Variants in ZNF131 observed in about 807,000 individuals in gnomAD.
The protein encoded by ZNF131 is zinc finger and BTB domain containing 35, also known as zinc finger protein 131.
ZNF131 carries 7 observed loss-of-function variants against 60.0 expected under a neutral mutation model. That is an observed-to-expected ratio of 0.12 (90% CI 0.07 to 0.22). The LOEUF (loss-of-function observed/expected upper bound fraction) is 0.22, where lower values mean the gene tolerates loss of function less well. Among genes scored for constraint, ZNF131 ranks in the 10% least tolerant of loss-of-function variants. The pLI is 1.00. For missense variants in ZNF131, 493 were observed against 740.9 expected, an observed-to-expected ratio of 0.67 and a Z score of 3.88; for synonymous variants, 257 against 253.2, an observed-to-expected ratio of 1.01 and a Z score of -0.14.
chr5:43,121,098 AGGAAGGAGG>A lies in ZNF131; in HGVS notation c.-39_-31del, dbSNP rs999653178. Reference sequence around the variant, plus strand: ...GAACAAGAGGCTCTGAGGGACGGAGAGGAAGGAGGGCGACCCACGAGCTAGGTAAGGCGG... The same window carrying A: ...GAACAAGAGGCTCTGAGGGACGGAGAGCGACCCACGAGCTAGGTAAGGCGG... On this transcript the variant is annotated 5_prime_UTR_variant, in exon 1 of 7. Coordinates refer to ENST00000682664, the MANE Select transcript of ZNF131 (RefSeq NM_001330707.2). 7.0e-6 allele frequency: 1 copy of A among 143,068 alleles called. No individual in the cohort carries two copies. The highest frequency in any genetic ancestry group is 1.5e-5 in the Non-Finnish European group (1 of 66,424). 8.9% of individuals were successfully genotyped at this position (143,068 alleles called of 1,614,324 possible). A position where few individuals can be genotyped will look rare whatever the true frequency, so the allele number is the denominator to read the frequency against.
chr5:43,161,026 C>G lies in ZNF131; in HGVS notation c.372-223C>G, dbSNP rs59534764. On this transcript the variant is annotated intron_variant, in intron 4 of 6. Transcript: ENST00000682664. ...AAAAATCAGTTGACTAAGCGTGGGT[C>G]TATTTCCATGGACTTTATTCCATTA... Among the ~76,000 whole-genome samples, 519 of 152,234 alleles carry G rather than the reference C, an allele frequency of 3.4e-3. 5 individuals are homozygous for G. Among genetic ancestry groups the G allele is most frequent in the African/African-American group, 0.012 (499 of 41,534 alleles).
chr5:43,163,508 C>A (rs1185028812), intron 5 of ZNF131, among the ~76,000 whole-genome samples: 1 of 152,220 alleles, frequency 6.6e-6, no homozygotes, highest in African/African-American at 2.4e-5. Context: ...AGTTCTTCAT[C>A]CCCTATTCCA....
At chr5:43,153,488 A>AAAAAAC (rs1748584456) in intron 4 of ZNF131, among the ~76,000 whole-genome samples, 3 of 147,910 alleles carry the variant, frequency 2.0e-5, no homozygotes, top group African/African-American at 7.4e-5. Context: ...AAAAAAAAAA[A>AAAAAAC]AGCAAAATTA....
chr5:43,143,846 A>G (rs570044408), intron 4 of ZNF131, among the ~76,000 whole-genome samples: 7 of 142,826 alleles, frequency 4.9e-5, no homozygotes, highest in African/African-American at 1.8e-4. Flanking sequence ...GGACATGTAT[A>G]CAGCTCTGTG....
At chr5:43,144,365 A>C (rs770618379) in intron 4 of ZNF131, among the ~76,000 whole-genome samples, 2 of 137,448 alleles carry the variant, frequency 1.5e-5, no homozygotes, top group Non-Finnish European at 3.0e-5. Flanking sequence ...AGTAGCTGGG[A>C]TTATAGGCGC....
At chr5:43,136,650 C>CTTTTTTTTTTT in intron 3 of ZNF131, among the ~76,000 whole-genome samples, 1 of 122,532 alleles carries the variant, frequency 8.2e-6, no homozygotes, top group Non-Finnish European at 1.7e-5. Context: ...TTTTCTTTTT[C>CTTTTTTTTTTT]TTTTTTTTTT....
intron 5 of ZNF131, chr5:43,167,819 G>T (rs1750545055): frequency 3.1e-6 from 1 of 322,214 alleles, no homozygotes. Flanking sequence ...GCCTGCCTGG[G>T]TTGCTTGTTT....
intron 5 of ZNF131, among the ~76,000 whole-genome samples, chr5:43,165,278 C>T (rs1458086847): frequency 6.6e-6 from 1 of 151,410 alleles, no homozygotes; most frequent in Non-Finnish European, 1.5e-5. Flanking sequence ...AGTCCAAGAT[C>T]AATCTGCTGG....
intron 4 of ZNF131, among the ~76,000 whole-genome samples, chr5:43,157,503 A>T (rs1371251000): frequency 2.0e-5 from 3 of 152,148 alleles, no homozygotes; most frequent in Non-Finnish European, 4.4e-5. Flanking sequence ...CCAGATTGAT[A>T]AAAGAGTCTC....
At chr5:43,146,314 G>A (rs181462718) in intron 4 of ZNF131, among the ~76,000 whole-genome samples, 2 of 152,324 alleles carry the variant, frequency 1.3e-5, no homozygotes, top group Admixed American at 1.3e-4. Context: ...ATGGCCGGGC[G>A]CGGTGGCTCA....
chr5:43,143,465 AT>A, intron 4 of ZNF131: 1 of 1,346,020 alleles, frequency 7.4e-7, no homozygotes, highest in South Asian at 1.5e-5. Context: ...TACACGCTGT[AT>A]TTGAAGTTTC....
intron 4 of ZNF131, among the ~76,000 whole-genome samples, chr5:43,145,046 T>A (rs1029577253): frequency 6.6e-6 from 1 of 152,098 alleles, no homozygotes. Context: ...TTTCTAATAG[T>A]CTCCAACCTC....
intron 1 of ZNF131, 22 bp from the exon 2 acceptor site, chr5:43,122,017 T>C: frequency 6.2e-7 from 1 of 1,611,946 alleles, no homozygotes; most frequent in Non-Finnish European, 8.5e-7. Flanking sequence ...TGGGTGTACA[T>C]TATCATGCTC....
chr5:43,147,651 G>A (rs1157746489), intron 4 of ZNF131, among the ~76,000 whole-genome samples: 1 of 150,956 alleles, frequency 6.6e-6, no homozygotes, highest in Non-Finnish European at 1.5e-5. Context: ...TTGAACTCCT[G>A]ACCTCGTGAT....
At chr5:43,169,332 T>C (rs35996348) in intron 5 of ZNF131, among the ~76,000 whole-genome samples, 13,136 of 149,404 alleles carry the variant, frequency 0.088, 692 homozygotes, top group Non-Finnish European at 0.12. Flanking sequence ...TTTTACTGAG[T>C]TTACTTAATT....
At chr5:43,131,771 C>G (rs1745382648) in intron 3 of ZNF131, among the ~76,000 whole-genome samples, 1 of 150,790 alleles carries the variant, frequency 6.6e-6, no homozygotes, top group Non-Finnish European at 1.5e-5. Flanking sequence ...CATCCTACCA[C>G]CAGAGAATAA....
chr5:43,127,936 G>C (rs529531508), intron 3 of ZNF131, among the ~76,000 whole-genome samples: 4 of 152,156 alleles, frequency 2.6e-5, no homozygotes, highest in Non-Finnish European at 5.9e-5. Flanking sequence ...CTCTACCATG[G>C]TGTCCAGAAA....
chr5:43,122,670 A>G (rs1439343569), intron 2 of ZNF131, among the ~76,000 whole-genome samples: 3 of 152,216 alleles, frequency 2.0e-5, no homozygotes, highest in South Asian at 2.1e-4. Context: ...AGTTGCCTCT[A>G]TAATGGAAGG....
chr5:43,142,623 A>G (rs992341713), intron 4 of ZNF131, among the ~76,000 whole-genome samples: 13 of 151,886 alleles, frequency 8.6e-5, no homozygotes, highest in African/African-American at 2.9e-4. Context: ...ATATTTTTAA[A>G]TAAGTTTTAT....
Sources: gnomAD v4.1 joint callset for allele counts (sites outside exome capture counted in the v4.1 genomes callset) on GRCh38, gnomAD v4.1.1 for gene constraint, MANE v1.5 for transcripts, NCBI Gene and HGNC (gene_info 2026-07-23, HGNC 2026-07-21) for gene names.